The following ZFYVE9 variants were observed in gnomAD, a reference collection of about 807,000 sequenced individuals.
ZFYVE9 encodes zinc finger FYVE-type containing 9.
In ZFYVE9, 43 loss-of-function variants were observed where a neutral mutation model predicts 126.7. That is an observed-to-expected ratio of 0.34 (90% CI 0.27 to 0.44). ZFYVE9 has a LOEUF of 0.44. ZFYVE9 is among the 20% of genes least tolerant of loss of function. ZFYVE9 has a pLI of 1.00. For synonymous variants in ZFYVE9, 521 were observed against 597.4 expected (o/e 0.87, Z 1.87); for missense variants, 1,476 against 1,697.0 (o/e 0.87, Z 2.29).
intron 1 of ZFYVE9, among the ~76,000 whole-genome samples, chr1:52,151,116 G>A (rs992250244): frequency 6.6e-6 from 1 of 151,876 alleles, no homozygotes; most frequent in African/African-American, 2.4e-5. Flanking sequence ...CTGGCATACA[G>A]CCTTCATGAT....
At chr1:52,303,744 G>T in intron 12 of ZFYVE9, 77 bp from the exon 13 acceptor site, 8 of 850,328 alleles carry the variant, frequency 9.4e-6, no homozygotes, top group South Asian at 2.9e-5. Context: ...TTTTCCATTC[G>T]TGTTAATTTT....
intron 10 of ZFYVE9, among the ~76,000 whole-genome samples, chr1:52,288,715 G>A (rs752495368): frequency 1.3e-5 from 2 of 151,996 alleles, no homozygotes; most frequent in African/African-American, 2.4e-5. Flanking sequence ...ACTTGAGGTC[G>A]TGAGTTTGAG....
intron 1 of ZFYVE9, among the ~76,000 whole-genome samples, chr1:52,208,071 A>C (rs979127771): frequency 2.6e-5 from 4 of 152,242 alleles, no homozygotes; most frequent in Non-Finnish European, 5.9e-5. Context: ...CTGTAATCCC[A>C]GCACTTTGGG....
intron 13 of ZFYVE9, 142 bp from the exon 14 acceptor site, chr1:52,332,626 T>A: frequency 1.0e-6 from 1 of 987,948 alleles, no homozygotes; most frequent in East Asian, 2.7e-5. Context: ...ATTTTTTTAC[T>A]TTGTTTCATT....
At chr1:52,257,631 A>T (rs555769469) in intron 4 of ZFYVE9, among the ~76,000 whole-genome samples, 2 of 152,348 alleles carry the variant, frequency 1.3e-5, no homozygotes, top group Admixed American at 6.5e-5. Flanking sequence ...GCAAAAGTTG[A>T]ATGGCTCTAG....
intron 1 of ZFYVE9, among the ~76,000 whole-genome samples, chr1:52,159,014 G>A (rs1306210131): frequency 6.6e-6 from 1 of 151,988 alleles, no homozygotes; most frequent in Non-Finnish European, 1.5e-5. Flanking sequence ...GGATGGTCTC[G>A]ATCTCCTGAC....
intron 3 of ZFYVE9, among the ~76,000 whole-genome samples, chr1:52,236,940 A>G (rs1645278109): frequency 6.6e-6 from 1 of 151,754 alleles, no homozygotes; most frequent in South Asian, 2.1e-4. Context: ...TCCCTGCTTC[A>G]TTCTTATTTT....
chr1:52,342,911 AT>A (rs554181716), intron 17 of ZFYVE9, among the ~76,000 whole-genome samples: 263 of 138,412 alleles, frequency 1.9e-3, no homozygotes, highest in Non-Finnish European at 2.8e-3. Flanking sequence ...AGGCAAATTA[AT>A]TTTTTTTTTT....
In ZFYVE9 at chr1:52,340,216, A is replaced by G. The variant is rs373520372; in HGVS notation, c.3924A>G (p.Val1308=). The change falls in exon 17 of 19, where the codon GTA becomes GTG. Residue 1308 remains valine (V), a synonymous_variant. Transcript: ENST00000287727. ...HGSEYKANGK[V]IRWTEVFFLE... ...CAGAATATAAAGCAAATGGAAAAGT[A>G]ATCAGATGGACAGAGGTAAGGAAAT... The G allele has an allele frequency of 8.7e-6, 14 of 1,613,504 alleles. No homozygotes were observed. The African/African-American group carries it at 1.7e-4, about 20-fold the overall frequency.
intron 1 of ZFYVE9, among the ~76,000 whole-genome samples, chr1:52,146,027 C>CCACACACA (rs1168051378): frequency 0.059 from 8,664 of 146,204 alleles, 841 homozygotes; most frequent in African/African-American, 0.2. Context: ...TCAAAAATAT[C>CCACACACA]CACACACACA....
chr1:52,223,527 T>C (rs1269445135), intron 2 of ZFYVE9, among the ~76,000 whole-genome samples: 1 of 152,206 alleles, frequency 6.6e-6, no homozygotes, highest in Admixed American at 6.5e-5. Flanking sequence ...CTATCTTTTG[T>C]ATTTTTTTTG....
chr1:52,341,031 A>G (rs1304812581), intron 17 of ZFYVE9, among the ~76,000 whole-genome samples: 1 of 151,604 alleles, frequency 6.6e-6, no homozygotes, highest in African/African-American at 2.4e-5. Flanking sequence ...GACCAGCCCT[A>G]CCAACATGGA....
intron 1 of ZFYVE9, among the ~76,000 whole-genome samples, chr1:52,210,973 G>A (rs1645023457): frequency 6.6e-6 from 1 of 152,066 alleles, no homozygotes; most frequent in African/African-American, 2.4e-5. Flanking sequence ...CTCTCTTAGG[G>A]TTTTCATGCA....
At chr1:52,326,801 G>A (rs2147864613) in intron 13 of ZFYVE9, among the ~76,000 whole-genome samples, 1 of 151,954 alleles carries the variant, frequency 6.6e-6, no homozygotes, top group African/African-American at 2.4e-5. Context: ...CCCAGGACGT[G>A]GAGGCTGCAA....
At chr1:52,167,703 GC>G (rs1054145402) in intron 1 of ZFYVE9, among the ~76,000 whole-genome samples, 1 of 152,028 alleles carries the variant, frequency 6.6e-6, no homozygotes, top group Admixed American at 6.6e-5. Context: ...TTGATGTGAA[GC>G]CAATCAAGAG....
At chr1:52,222,033 G>A (rs575429543) in intron 2 of ZFYVE9, among the ~76,000 whole-genome samples, 12 of 152,122 alleles carry the variant, frequency 7.9e-5, no homozygotes, top group Admixed American at 4.6e-4. Flanking sequence ...CCTATCTTTC[G>A]TTTGCCTTTA....
intron 13 of ZFYVE9, among the ~76,000 whole-genome samples, chr1:52,312,011 G>A (rs377290155): frequency 1.3e-4 from 20 of 151,400 alleles, no homozygotes; most frequent in African/African-American, 2.7e-4. Flanking sequence ...GGCTGGTCTC[G>A]AACTCCTGAC....
At chr1:52,283,385 C>G (rs72895929) in intron 10 of ZFYVE9, among the ~76,000 whole-genome samples, 7,180 of 152,198 alleles carry the variant, frequency 0.047, 569 homozygotes, top group African/African-American at 0.16. Context: ...TGATGAGTGA[C>G]ATAATCAGAT....
intron 1 of ZFYVE9, among the ~76,000 whole-genome samples, chr1:52,193,917 A>T (rs1288311953): frequency 2.0e-5 from 3 of 152,064 alleles, no homozygotes; most frequent in Non-Finnish European, 4.4e-5. Flanking sequence ...GCTTTATATA[A>T]CTGATAAATA....
Sources: gnomAD v4.1 joint callset for allele counts (sites outside exome capture counted in the v4.1 genomes callset) on GRCh38, gnomAD v4.1.1 for gene constraint, MANE v1.5 for transcripts, NCBI Gene and HGNC (gene_info 2026-07-23, HGNC 2026-07-21) for gene names.